The following EDIL3 variants were observed in gnomAD, a reference collection of about 807,000 sequenced individuals.
EDIL3 encodes the protein EGF like and discoidin domains 3, also known as EGF-like repeat and discoidin I-like domain-containing protein 3.
In EDIL3, 37 loss-of-function variants were observed where a neutral mutation model predicts 67.4. The observed-to-expected ratio is 0.55, with a 90% CI of 0.42 to 0.72. The LOEUF (loss-of-function observed/expected upper bound fraction) is 0.72, where lower values mean the gene tolerates loss of function less well. Among genes scored for constraint, EDIL3 ranks in the 30% least tolerant of loss-of-function variants. The pLI is 0.00. For missense variants in EDIL3, 527 were observed against 586.3 expected, an observed-to-expected ratio of 0.90 and a Z score of 1.04; for synonymous variants, 195 against 196.3, an observed-to-expected ratio of 0.99 and a Z score of 0.05.
chr5:84,009,511 T>C (rs1712747964), intron 9 of EDIL3, among the ~76,000 whole-genome samples: 1 of 152,132 alleles, frequency 6.6e-6, no homozygotes, highest in Non-Finnish European at 1.5e-5. Context: ...ATCTATGATA[T>C]AATTAACTAT....
chr5:84,184,296 A>C (rs767821480), intron 3 of EDIL3, among the ~76,000 whole-genome samples: 25 of 152,168 alleles, frequency 1.6e-4, no homozygotes, highest in Non-Finnish European at 3.1e-4. Flanking sequence ...AGATGACCTA[A>C]ATGGATCTGC....
At chr5:84,190,551 A>ATGTGTGTGTGTGTGTGTG (rs1228798257) in intron 3 of EDIL3, among the ~76,000 whole-genome samples, 8 of 126,982 alleles carry the variant, frequency 6.3e-5, no homozygotes, top group African/African-American at 2.1e-4. Flanking sequence ...ATATATATAT[A>ATGTGTGTGTGTGTGTGTG]TGTGTGTGTG....
At chr5:84,229,387 A>T (rs1744518094) in intron 3 of EDIL3, among the ~76,000 whole-genome samples, 1 of 152,182 alleles carries the variant, frequency 6.6e-6, no homozygotes, top group South Asian at 2.1e-4. Flanking sequence ...AGTGAGGCAG[A>T]CACAGTACCC....
intron 9 of EDIL3, among the ~76,000 whole-genome samples, chr5:83,978,889 C>A (rs2112146279): frequency 6.6e-6 from 1 of 152,090 alleles, no homozygotes; most frequent in African/African-American, 2.4e-5. Flanking sequence ...AATATGAAAG[C>A]TAGCATTTGT....
Position 84,342,150 on chromosome 5 carries a change from A to G in EDIL3, c.67+42158T>C, listed in dbSNP as rs904635381. Among the ~76,000 whole-genome samples the G allele has an allele frequency of 1.6e-4, 24 of 152,264 alleles. 1 individual carries two copies. Among genetic ancestry groups the G allele is most frequent in the African/African-American group, 5.5e-4 (23 of 41,552 alleles). On this transcript the variant is annotated intron_variant, in intron 1 of 10. Transcript: ENST00000296591. ...ACTGGATAAAGAAAATAGAGTGTAT[A>G]TAGACAACAGAATGCTTTTCAGCCA...
At chr5:84,266,567 C>T (rs16901022) in intron 1 of EDIL3, among the ~76,000 whole-genome samples, 2,012 of 152,242 alleles carry the variant, frequency 0.013, 50 homozygotes, top group African/African-American at 0.046. Context: ...AACTCCTATC[C>T]CAGGTCCCAT....
At chr5:83,997,658 T>C (rs1211471694) in intron 9 of EDIL3, among the ~76,000 whole-genome samples, 1 of 151,912 alleles carries the variant, frequency 6.6e-6, no homozygotes, top group Non-Finnish European at 1.5e-5. Context: ...CCACACTGAG[T>C]TGTTAACAAA....
intron 1 of EDIL3, among the ~76,000 whole-genome samples, chr5:84,372,567 T>C (rs1225842875): frequency 1.3e-5 from 2 of 152,178 alleles, no homozygotes; most frequent in Admixed American, 6.5e-5. Context: ...AGGGAACAAC[T>C]GCAGAAATCT....
chr5:84,102,440 T>C (rs1185014278), intron 6 of EDIL3, among the ~76,000 whole-genome samples: 1 of 151,770 alleles, frequency 6.6e-6, no homozygotes, highest in Non-Finnish European at 1.5e-5. Context: ...GCCCGAAGGA[T>C]CTAGGAAACC....
At chr5:83,965,978 A>C in intron 9 of EDIL3, among the ~76,000 whole-genome samples, 1 of 151,906 alleles carries the variant, frequency 6.6e-6, no homozygotes, top group East Asian at 1.9e-4. Flanking sequence ...CATGTATAGA[A>C]CTCACCCTGA....
chr5:84,050,023 C>T (rs1298062079), intron 9 of EDIL3, among the ~76,000 whole-genome samples: 1 of 151,608 alleles, frequency 6.6e-6, no homozygotes, highest in African/African-American at 2.4e-5. Context: ...CACGGTGAAA[C>T]CCCGTCTCTA....
At chr5:84,172,609 C>A (rs6889603) in intron 4 of EDIL3, among the ~76,000 whole-genome samples, 20,029 of 150,418 alleles carry the variant, frequency 0.13, 1,783 homozygotes, top group African/African-American at 0.26. Context: ...ACAACAACAA[C>A]AAAAAAATAA....
At chr5:84,039,241 C>T (rs17530072) in intron 9 of EDIL3, among the ~76,000 whole-genome samples, 67 of 152,156 alleles carry the variant, frequency 4.4e-4, no homozygotes, top group African/African-American at 1.6e-3. Flanking sequence ...CAGGGGCATT[C>T]CTGGTAACTT....
intron 9 of EDIL3, among the ~76,000 whole-genome samples, chr5:84,009,543 T>G (rs574586397): frequency 6.6e-6 from 1 of 152,344 alleles, no homozygotes; most frequent in South Asian, 2.1e-4. Context: ...CTACACGTGC[T>G]AACATTATTG....
intron 6 of EDIL3, among the ~76,000 whole-genome samples, chr5:84,103,975 A>C (rs531037017): frequency 6.6e-6 from 1 of 152,172 alleles, no homozygotes; most frequent in African/African-American, 2.4e-5. Flanking sequence ...CCGAAATGCC[A>C]ATCAATTGTA....
intron 6 of EDIL3, among the ~76,000 whole-genome samples, chr5:84,100,513 G>C (rs1413320639): frequency 6.6e-6 from 1 of 152,042 alleles, no homozygotes; most frequent in Non-Finnish European, 1.5e-5. Flanking sequence ...TCATAAGTGG[G>C]AGCTGAACAA....
intron 3 of EDIL3, among the ~76,000 whole-genome samples, chr5:84,220,263 C>T (rs373911209): frequency 6.6e-6 from 1 of 152,126 alleles, no homozygotes; most frequent in African/African-American, 2.4e-5. Context: ...AAAATTAAAA[C>T]TTAAAAGAAA....
chr5:84,077,331 T>C (rs1365564592), intron 6 of EDIL3, among the ~76,000 whole-genome samples: 1 of 152,228 alleles, frequency 6.6e-6, no homozygotes, highest in Non-Finnish European at 1.5e-5. Context: ...AAGGGATATG[T>C]GAACTGCATT....
intron 3 of EDIL3, among the ~76,000 whole-genome samples, chr5:84,220,597 C>G (rs1158905276): frequency 6.6e-6 from 1 of 152,016 alleles, no homozygotes; most frequent in Non-Finnish European, 1.5e-5. Context: ...TGATTGGTGA[C>G]CTTCATTGAT....
Sources: allele counts gnomAD v4.1 joint callset (sites outside exome capture counted in the v4.1 genomes callset), GRCh38; gene constraint gnomAD v4.1.1; transcripts MANE v1.5; gene names NCBI Gene and HGNC (gene_info 2026-07-23, HGNC 2026-07-21).